Variants in TMEM132C observed in about 807,000 individuals in gnomAD.
TMEM132C encodes protein phosphatase 1, regulatory subunit 152.
TMEM132C carries 29 observed loss-of-function variants against 61.4 expected under a neutral mutation model. That is an observed-to-expected ratio of 0.47 (90% CI 0.35 to 0.64). TMEM132C has a LOEUF of 0.64. TMEM132C is among the 30% of genes least tolerant of loss of function. The probability of loss-of-function intolerance (pLI) is 0.00; values close to 1 mark genes in which losing one functional copy is unlikely to be tolerated. For synonymous variants in TMEM132C, 656 were observed against 633.1 expected (o/e 1.04, Z -0.54); for missense variants, 1,408 against 1,476.9 (o/e 0.95, Z 0.76).
intron 3 of TMEM132C, among the ~76,000 whole-genome samples, chr12:128,582,003 G>A (rs1875353433): frequency 6.6e-6 from 1 of 152,176 alleles, no homozygotes; most frequent in African/African-American, 2.4e-5. Context: ...TGGCAGACGA[G>A]GGGCCAGATA....
At chr12:128,689,424 C>A (rs1229901652) in intron 5 of TMEM132C, among the ~76,000 whole-genome samples, 1 of 152,092 alleles carries the variant, frequency 6.6e-6, no homozygotes, top group Non-Finnish European at 1.5e-5. Context: ...AAGCACCTTG[C>A]AGATGTGAAG....
rs895241061 is a variant in TMEM132C at position 128,323,788 on chromosome 12, T to C, written c.85+56301T>C. Among the ~76,000 whole-genome samples the C allele has an allele frequency of 5.3e-5, 8 of 152,300 alleles. No homozygotes were observed. The East Asian group carries it at 7.7e-4, about 15-fold the overall frequency. ...CCTGATTGCGTATGCTCAGCTGCGC[T>C]CAGGCTGGAGTCTTTGAGGGGACGC... On this transcript the variant is annotated intron_variant, in intron 1 of 8. Coordinates refer to ENST00000435159, the MANE Select transcript of TMEM132C (RefSeq NM_001136103.3).
chr12:128,485,587 G>C lies in TMEM132C; in HGVS notation c.975-58370G>C, dbSNP rs556125722. On this transcript the variant is annotated intron_variant, in intron 2 of 8. Transcript: ENST00000435159. Reference sequence around the variant, plus strand: ...CATTTTTGGTTGCCACTACTGGGGAGTGGGGTGCTACTGTCATCTAGTAGG... The same window carrying C: ...CATTTTTGGTTGCCACTACTGGGGACTGGGGTGCTACTGTCATCTAGTAGG... Among the ~76,000 whole-genome samples, 12 of 141,476 alleles carry C rather than the reference G, an allele frequency of 8.5e-5. No homozygotes were observed. In the East Asian group the frequency reaches 1.9e-3, roughly 23 times the overall value. The allele number at this position is 141,476 out of a possible 152,430, so 92.8% of individuals were successfully genotyped here. A position where few individuals can be genotyped will look rare whatever the true frequency, so the allele number is the denominator to read the frequency against.
intron 2 of TMEM132C, among the ~76,000 whole-genome samples, chr12:128,488,727 C>CTTGT (rs200604011): frequency 0.012 from 1,857 of 151,846 alleles, 36 homozygotes; most frequent in African/African-American, 0.043. Context: ...GTTATATATA[C>CTTGT]TTGTTTTCTG....
chr12:128,351,488 A>G (rs1356519934), intron 1 of TMEM132C, among the ~76,000 whole-genome samples: 1 of 152,206 alleles, frequency 6.6e-6, no homozygotes, highest in African/African-American at 2.4e-5. Flanking sequence ...TTGTATTGCT[A>G]TAAAGAAGTA....
Position 128,306,513 on chromosome 12 carries a change from A to C in TMEM132C, c.85+39026A>C, listed in dbSNP as rs1871790570. ...CACCGCACCTGGCCACCCTGTGAAG[A>C]AATTCTAACTTGTAATTTGGGGGTT... On this transcript the variant is annotated intron_variant, in intron 1 of 8. Transcript: ENST00000435159. 2.0e-5 allele frequency among the ~76,000 whole-genome samples: 3 copies of C among 152,252 alleles called. 1 individual carries two copies. Among genetic ancestry groups the C allele is most frequent in the Admixed American group, 2.0e-4 (3 of 15,296 alleles).
Position 128,637,038 on chromosome 12 carries a change from GGTT to G in TMEM132C, c.1305+20709_1305+20711del, listed in dbSNP as rs538253846. 1.3e-3 allele frequency among the ~76,000 whole-genome samples: 196 copies of G among 152,212 alleles called. 1 individual carries two copies. Among genetic ancestry groups the G allele is most frequent in the African/African-American group, 4.4e-3 (184 of 41,526 alleles). ...GACACTTAGACTGTTTTCATATTTT[GGTT>G]GTTGTGAGTAACCCAGCAATAAATA... On this transcript the variant is annotated intron_variant, in intron 4 of 8. Transcript: ENST00000435159.
chr12:128,544,166 C>T (rs1314635731), intron 3 of TMEM132C, 63 bp downstream of exon 3: 7 of 1,447,632 alleles, frequency 4.8e-6, no homozygotes, highest in South Asian at 1.5e-5. Flanking sequence ...CCGGCTGGTG[C>T]GTAAGAGCCT....
chr12:128,449,548 C>G (rs1870112385), intron 2 of TMEM132C, among the ~76,000 whole-genome samples: 1 of 152,140 alleles, frequency 6.6e-6, no homozygotes, highest in Non-Finnish European at 1.5e-5. Flanking sequence ...GGACTGAAGC[C>G]AAGATGAAAC....
At chr12:128,350,938 T>C (rs1873318730) in intron 1 of TMEM132C, among the ~76,000 whole-genome samples, 1 of 152,122 alleles carries the variant, frequency 6.6e-6, no homozygotes, top group South Asian at 2.1e-4. Context: ...GGAATATGAA[T>C]ATAATGGCAG....
At chr12:128,372,297 G>A (rs1874050730) in intron 1 of TMEM132C, among the ~76,000 whole-genome samples, 1 of 152,206 alleles carries the variant, frequency 6.6e-6, no homozygotes, top group Non-Finnish European at 1.5e-5. Context: ...GTGTGTCTGT[G>A]TGTGTGCGCA....
intron 2 of TMEM132C, among the ~76,000 whole-genome samples, chr12:128,424,347 G>A (rs925341611): frequency 5.3e-5 from 8 of 151,470 alleles, no homozygotes; most frequent in Non-Finnish European, 1.2e-4. Context: ...GAACAAATGA[G>A]CAAAATGTGA....
At position 128,357,857 on chromosome 12, in the gene TMEM132C, C is replaced by T. The variant is rs192342903; in HGVS notation, c.86-56875C>T. Among the ~76,000 whole-genome samples, 13 of 151,968 alleles carry T rather than the reference C, an allele frequency of 8.6e-5. No homozygotes were observed. The East Asian group carries it at 9.7e-4, about 11-fold the overall frequency. On this transcript the variant is annotated intron_variant, in intron 1 of 8. Coordinates refer to ENST00000435159, the MANE Select transcript of TMEM132C (RefSeq NM_001136103.3). ...CCACACCCACCCGAGGCCTCCCCTCCGTCCACAGCACATCACACACACATC... is the reference window on the plus strand; with the variant it reads ...CCACACCCACCCGAGGCCTCCCCTCTGTCCACAGCACATCACACACACATC...
intron 2 of TMEM132C, among the ~76,000 whole-genome samples, chr12:128,478,294 A>AT (rs975663121): frequency 1.3e-5 from 2 of 152,058 alleles, no homozygotes; most frequent in African/African-American, 2.4e-5. Context: ...TTGTTTTTTT[A>AT]TTTTTTTATT....
intron 1 of TMEM132C, among the ~76,000 whole-genome samples, chr12:128,349,935 A>C (rs1214390406): frequency 1.3e-5 from 2 of 152,008 alleles, no homozygotes; most frequent in African/African-American, 4.8e-5. Context: ...ACACACACAC[A>C]CACACACGTG....
At chr12:128,450,280 G>A (rs1870134690) in intron 2 of TMEM132C, among the ~76,000 whole-genome samples, 1 of 152,120 alleles carries the variant, frequency 6.6e-6, no homozygotes, top group South Asian at 2.1e-4. Context: ...GGATAGCAGG[G>A]AACATTAAGA....
At chr12:128,639,077 T>TATGATG (rs372605842) in intron 4 of TMEM132C, among the ~76,000 whole-genome samples, 2 of 134,274 alleles carry the variant, frequency 1.5e-5, no homozygotes, top group African/African-American at 5.8e-5. Context: ...ATGATGGTGA[T>TATGATG]ATGATGATGA....
rs1555223121 is a variant in TMEM132C, at chr12:128,410,364, A to AAT, written c.86-4360_86-4359dup. 6.3e-3 allele frequency among the ~76,000 whole-genome samples: 829 copies of AAT among 132,184 alleles called. 15 individuals carry two copies. The highest frequency in any genetic ancestry group is 0.044 in the Admixed American group (594 of 13,566). The allele number at this position is 132,184 out of a possible 152,430, so 86.7% of individuals were successfully genotyped here. ...TAATGCCACTTTATCACTAGTTCTG[A>AAT]ATATATATACACACACACATATATA... On this transcript the variant is annotated intron_variant, in intron 1 of 8. Coordinates refer to ENST00000435159, the MANE Select transcript of TMEM132C (RefSeq NM_001136103.3).
At chr12:128,668,180 C>T (rs138069580) in intron 4 of TMEM132C, among the ~76,000 whole-genome samples, 2,187 of 151,640 alleles carry the variant, frequency 0.014, 52 homozygotes, top group African/African-American at 0.05. Context: ...TTTGGTAGGC[C>T]AAGGTGGGAG....
Sources: allele counts gnomAD v4.1 joint callset (sites outside exome capture counted in the v4.1 genomes callset), GRCh38; gene constraint gnomAD v4.1.1; transcripts MANE v1.5; gene names NCBI Gene and HGNC (gene_info 2026-07-23, HGNC 2026-07-21).